The following GTF2A1 variants were observed in gnomAD, a reference collection of about 807,000 sequenced individuals.
GTF2A1 encodes the protein transcription initiation factor IIA subunit 1.
A neutral mutation model predicts 54.1 loss-of-function variants in GTF2A1; 12 were observed. The observed-to-expected ratio is 0.22, with a 90% CI of 0.14 to 0.36. GTF2A1 has a LOEUF of 0.36. Ranked by LOEUF, GTF2A1 falls within the 10% of genes least tolerant of loss-of-function variation. The pLI is 1.00. For missense variants in GTF2A1, 335 were observed against 442.2 expected (o/e 0.76, Z 2.17); for synonymous variants, 145 against 152.0 (o/e 0.95, Z 0.34).
chr14:81,202,403 C>T (rs537663559), intron 3 of GTF2A1, among the ~76,000 whole-genome samples: 23 of 152,284 alleles, frequency 1.5e-4, no homozygotes, highest in African/African-American at 2.9e-4. Context: ...TGACAGCTGA[C>T]AGACTCATGC....
At chr14:81,198,996 G>A (rs1264488407) in intron 4 of GTF2A1, among the ~76,000 whole-genome samples, 4 of 152,046 alleles carry the variant, frequency 2.6e-5, no homozygotes, top group East Asian at 1.9e-4. Context: ...CGGGTGATTC[G>A]TATTTAAGTT....
At chr14:81,184,083 T>TA (rs1184089696) in intron 8 of GTF2A1, among the ~76,000 whole-genome samples, 1 of 152,202 alleles carries the variant, frequency 6.6e-6, no homozygotes, top group Non-Finnish European at 1.5e-5. Context: ...CTTACTAATT[T>TA]AAAACAGTAA....
In GTF2A1 at chr14:81,204,042, C is replaced by T. The variant is rs918732133; in HGVS notation, c.195G>A (p.Gln65=). The T allele has an allele frequency of 6.2e-7, 1 of 1,613,796 alleles. No individual in the cohort carries two copies. Among genetic ancestry groups the T allele is most frequent in the Non-Finnish European group, 8.5e-7 (1 of 1,179,732 alleles). Residue 65 remains glutamine, a synonymous_variant, in exon 3 of 9, where the codon CAG becomes CAA. Transcript: ENST00000553612. ...AVDGFHSEEQ[Q]LLLQVQQQHQ... ...GCTGCTGTTGAACTTGCAGTAGAAG[C>T]TGCTGCTCTTCTGAATGAAATCCAT...
rs373628070 is a variant in GTF2A1, at chr14:81,189,483, A to G, written c.933+3036T>C. On this transcript the variant is annotated intron_variant, in intron 7 of 8. Transcript: ENST00000553612. ...TCAGGAGATCAAGACCATCCTGGCT[A>G]ACACAGCGAAACCCCATCTCTACTA... 1.2e-3 allele frequency among the ~76,000 whole-genome samples: 182 copies of G among 152,260 alleles called. 3 individuals carry two copies. The highest frequency in any genetic ancestry group is 1.0e-3 in the Non-Finnish European group (69 of 68,016).
At chr14:81,199,669 T>C (rs1260320812) in intron 4 of GTF2A1, among the ~76,000 whole-genome samples, 1 of 152,098 alleles carries the variant, frequency 6.6e-6, no homozygotes, top group Non-Finnish European at 1.5e-5. Context: ...TATACAGAAA[T>C]GTTAAATCAA....
At chr14:81,187,872 A>T (rs2140149986) in intron 7 of GTF2A1, among the ~76,000 whole-genome samples, 1 of 152,234 alleles carries the variant, frequency 6.6e-6, no homozygotes, top group East Asian at 1.9e-4. Context: ...CATATGGATA[A>T]TTCTATACTG....
At chr14:81,194,135 G>A (rs1892937734) in intron 6 of GTF2A1, among the ~76,000 whole-genome samples, 1 of 152,214 alleles carries the variant, frequency 6.6e-6, no homozygotes, top group Admixed American at 6.5e-5. Context: ...AGTGGTGGAT[G>A]AGCCAGCATC....
chr14:81,203,928 C>A lies in GTF2A1; in HGVS notation c.309G>T (p.Gln103His). 1 of 1,614,020 alleles carries A rather than the reference C, an allele frequency of 6.2e-7. No homozygotes were observed. The highest frequency in any genetic ancestry group is 2.2e-5 in the East Asian group (1 of 44,882). ...GCTGTGATGCAGGAATAAGAACCTGCTGGGTCTGCGCTTGCTGAGGTACTG... is the reference window on the plus strand; with the variant it reads ...GCTGTGATGCAGGAATAAGAACCTGATGGGTCTGCGCTTGCTGAGGTACTG... ...QQTVPQQAQT[Q>H]QVLIPASQQA... is the part of the protein sequence containing the mutation. Residue 103 changes from glutamine to histidine, a missense_variant, in exon 3 of 9, where the codon CAG (glutamine) becomes CAT (histidine). This residue lies in a region of GTF2A1 where 306 missense variants were observed against 360.4 expected (regional missense o/e 0.85). Coordinates refer to ENST00000553612, the MANE Select transcript of GTF2A1 (RefSeq NM_015859.4).
chr14:81,220,448 C>T (rs369257346), intron 1 of GTF2A1, 41 bp downstream of exon 1: 13 of 1,487,566 alleles, frequency 8.7e-6, no homozygotes, highest in Middle Eastern at 1.7e-4. Context: ...GTTGCTGCAG[C>T]CTGAACGAAG....
chr14:81,185,465 A>C, intron 8 of GTF2A1, 66 bp downstream of exon 8: 2 of 898,200 alleles, frequency 2.2e-6, no homozygotes, highest in South Asian at 2.7e-5. Context: ...AATAAGGCAG[A>C]AAGAATAATG....
intron 2 of GTF2A1, chr14:81,204,402 T>C (rs901139103): frequency 8.9e-6 from 4 of 448,986 alleles, no homozygotes; most frequent in Non-Finnish European, 1.7e-5. Flanking sequence ...ATGAGTTTCA[T>C]ACAAGCAACT....
At chr14:81,217,656 G>A (rs1024368838) in intron 1 of GTF2A1, among the ~76,000 whole-genome samples, 1 of 152,134 alleles carries the variant, frequency 6.6e-6, no homozygotes, top group African/African-American at 2.4e-5. Flanking sequence ...GCCAGGAGTG[G>A]TGGCACGTGC....
rs1892902669 is a variant in GTF2A1 at position 81,192,705 on chromosome 14, C to G, written c.747G>C (p.Gln249His). ...TVAAPTPAQA[Q>H]ITATGQQQPQ... is the part of the protein sequence containing the mutation. ...GTTGCTGCTGGCCAGTTGCAGTTAT[C>G]TGTGCTTGGGCTGGTGTAGGTGCTG... The change falls in exon 7 of 9, where the codon CAG becomes CAC. Residue 249 changes from glutamine (Q) to histidine (H), a missense_variant. By Grantham distance (24) the Gln-to-His change is conservative. Coordinates refer to ENST00000553612, the MANE Select transcript of GTF2A1 (RefSeq NM_015859.4). 1 of 1,614,094 alleles carries G rather than the reference C, an allele frequency of 6.2e-7. No individual in the cohort carries two copies. Among genetic ancestry groups the G allele is most frequent in the African/African-American group, 1.3e-5 (1 of 74,932 alleles).
chr14:81,192,892 G>T, intron 6 of GTF2A1, 53 bp from the exon 7 acceptor site: 2 of 989,408 alleles, frequency 2.0e-6, no homozygotes, highest in Middle Eastern at 2.4e-4. Context: ...ATCAAGTATG[G>T]TACACAGAAA....
intron 7 of GTF2A1, among the ~76,000 whole-genome samples, chr14:81,187,171 G>A (rs988897948): frequency 2.6e-5 from 4 of 151,796 alleles, no homozygotes; most frequent in African/African-American, 7.3e-5. Context: ...TGGCTAACAC[G>A]GTGAAACCCC....
intron 3 of GTF2A1, among the ~76,000 whole-genome samples, chr14:81,202,057 G>T (rs1304126228): frequency 6.6e-6 from 1 of 151,838 alleles, no homozygotes; most frequent in African/African-American, 2.4e-5. Context: ...TTGAACTCCG[G>T]AACTGGAGGT....
intron 3 of GTF2A1, chr14:81,202,712 A>T: frequency 1.9e-6 from 1 of 517,464 alleles, no homozygotes; most frequent in Admixed American, 2.0e-5. Context: ...TGATTCCGCA[A>T]ATTTCAGAGA....
intron 3 of GTF2A1, among the ~76,000 whole-genome samples, chr14:81,203,280 A>T (rs1893154169): frequency 6.6e-6 from 1 of 152,182 alleles, no homozygotes; most frequent in Non-Finnish European, 1.5e-5. Context: ...GTCTATGAAT[A>T]TTTGCTTTTT....
chr14:81,212,241 G>A (rs747587117), intron 2 of GTF2A1, among the ~76,000 whole-genome samples: 35 of 152,228 alleles, frequency 2.3e-4, no homozygotes, highest in African/African-American at 8.2e-4. Context: ...CACAGTACTT[G>A]ACATTTGGAC....
Sources: allele counts gnomAD v4.1 joint callset (sites outside exome capture counted in the v4.1 genomes callset), GRCh38; gene constraint gnomAD v4.1.1; regional missense constraint gnomAD v4.1.1; transcripts MANE v1.5; gene names NCBI Gene and HGNC (gene_info 2026-07-23, HGNC 2026-07-21).